MEGF11: variants seen among roughly 807,000 people sequenced by gnomAD.
The protein encoded by MEGF11 is multiple epidermal growth factor-like domains protein 11.
A neutral mutation model predicts 146.6 loss-of-function variants in MEGF11; 126 were observed. The observed-to-expected ratio is 0.86, with a 90% CI of 0.74 to 1.00. The LOEUF is 1.00. Ranked by LOEUF, MEGF11 falls within the 50% of genes least tolerant of loss-of-function variation. The pLI is 0.00. For missense variants in MEGF11, 1,509 were observed against 1,521.2 expected (o/e 0.99, Z 0.13); for synonymous variants, 532 against 583.4 (o/e 0.91, Z 1.27).
intron 1 of MEGF11, among the ~76,000 whole-genome samples, chr15:66,175,918 G>A (rs1360377103): frequency 6.6e-6 from 1 of 152,094 alleles, no homozygotes; most frequent in Non-Finnish European, 1.5e-5. Context: ...AAATATTCAT[G>A]GGACAAGGGA....
At chr15:66,051,672 T>A (rs918297308) in intron 5 of MEGF11, among the ~76,000 whole-genome samples, 13 of 152,154 alleles carry the variant, frequency 8.5e-5, no homozygotes, top group Non-Finnish European at 1.6e-4. Context: ...GGCTGGAGCC[T>A]TGGGGCATGC....
intron 1 of MEGF11, among the ~76,000 whole-genome samples, chr15:66,227,884 A>T (rs556889375): frequency 6.6e-6 from 1 of 152,320 alleles, no homozygotes; most frequent in African/African-American, 2.4e-5. Flanking sequence ...GGGCCCAGCC[A>T]GCCTCTGGGT....
At chr15:66,089,487 C>T (rs1175191203) in intron 5 of MEGF11, among the ~76,000 whole-genome samples, 2 of 152,158 alleles carry the variant, frequency 1.3e-5, no homozygotes, top group Non-Finnish European at 2.9e-5. Flanking sequence ...AGGCTCAGGC[C>T]CAAAACCAAA....
rs79940300 is a variant in MEGF11, at chr15:66,069,790, A to G, written c.394+24612T>C. 8.3e-3 allele frequency among the ~76,000 whole-genome samples: 1,264 copies of G among 152,386 alleles called. 18 individuals carry two copies. The highest frequency in any genetic ancestry group is 0.028 in the African/African-American group (1,168 of 41,586). On this transcript the variant is annotated intron_variant, in intron 5 of 25. Coordinates refer to ENST00000395614, the MANE Select transcript of MEGF11 (RefSeq NM_001385028.1). ...AAGTAGAAATTGGCAAAGTTTTTCTATAAAGGGCCAGATAATAAATATTTT... is the reference window on the plus strand; with the variant it reads ...AAGTAGAAATTGGCAAAGTTTTTCTGTAAAGGGCCAGATAATAAATATTTT...
chr15:65,992,277 T>A (rs1356448296), intron 5 of MEGF11, among the ~76,000 whole-genome samples: 3 of 152,178 alleles, frequency 2.0e-5, no homozygotes, highest in Non-Finnish European at 2.9e-5. Context: ...GGAGCAGTTT[T>A]ATCAGAGCCG....
intron 3 of MEGF11, 37 bp downstream of exon 3, chr15:66,123,862 C>T (rs1032551355): frequency 1.3e-6 from 2 of 1,556,190 alleles, no homozygotes; most frequent in South Asian, 2.2e-5. Context: ...GAGCCCAGTG[C>T]CTTTTCCCTG....
At chr15:65,921,085 A>T (rs1209625091) in intron 15 of MEGF11, among the ~76,000 whole-genome samples, 1 of 152,210 alleles carries the variant, frequency 6.6e-6, no homozygotes, top group African/African-American at 2.4e-5. Flanking sequence ...TCAAAGCATC[A>T]TGTAGTAAAC....
chr15:66,159,957 G>A (rs918794633), intron 1 of MEGF11, among the ~76,000 whole-genome samples: 1 of 152,160 alleles, frequency 6.6e-6, no homozygotes, highest in Admixed American at 6.5e-5. Flanking sequence ...GCAGGAAACA[G>A]CATAAGAGAT....
chr15:65,984,588 C>A (rs1567190059), intron 5 of MEGF11, among the ~76,000 whole-genome samples: 1 of 147,088 alleles, frequency 6.8e-6, no homozygotes, highest in Non-Finnish European at 1.5e-5. Flanking sequence ...ATCCAGCAGT[C>A]CAGCACCTCC....
chr15:66,187,041 T>C (rs753452077), intron 1 of MEGF11, among the ~76,000 whole-genome samples: 2 of 152,248 alleles, frequency 1.3e-5, no homozygotes, highest in Non-Finnish European at 2.9e-5. Context: ...GTGTTAATTA[T>C]GATCTATCTC....
chr15:66,173,300 G>A (rs1168800317), intron 1 of MEGF11, among the ~76,000 whole-genome samples: 3 of 152,142 alleles, frequency 2.0e-5, no homozygotes, highest in Admixed American at 1.3e-4. Flanking sequence ...CTTCATGACA[G>A]AAGGCAATTT....
rs934451382 is a variant in MEGF11, at chr15:66,230,171, G to A, written c.-9+23434C>T. The stretch of plus-strand genomic sequence containing the variant: ...CAAGCTCACAAACTAGCTGGGTAGA[G>A]GGGACTCTCTCCAGTGAAGGAAAGC... On this transcript the variant is annotated intron_variant, in intron 1 of 25. Coordinates refer to ENST00000395614, the MANE Select transcript of MEGF11 (RefSeq NM_001385028.1). 3.5e-4 allele frequency among the ~76,000 whole-genome samples: 54 copies of A among 152,176 alleles called. 2 individuals carry two copies. The highest frequency in any genetic ancestry group is 7.4e-5 in the Non-Finnish European group (5 of 68,020).
At chr15:66,099,840 G>A (rs1336921641) in intron 4 of MEGF11, among the ~76,000 whole-genome samples, 3 of 152,198 alleles carry the variant, frequency 2.0e-5, no homozygotes, top group African/African-American at 4.8e-5. Context: ...AATGGCCTGC[G>A]TTAGGCAGGG....
chr15:66,241,136 C>T (rs1278318762), intron 1 of MEGF11, among the ~76,000 whole-genome samples: 2 of 152,172 alleles, frequency 1.3e-5, no homozygotes, highest in Non-Finnish European at 2.9e-5. Context: ...TCAACTACCT[C>T]TGGGTAAGAA....
rs752392370 is a variant in MEGF11 at position 65,982,328 on chromosome 15, G to A, written c.555C>T (p.Cys185=). The part of the protein sequence containing the change: ...LCAPGTHGKG[C]QLPCQCRHGA... ...CGTGTCGGCACTGGCACGGCAGCTG[G>A]CATCCCTTGCCGTGGGTGCCAGGTG... The change falls in exon 6 of 26, where the codon TGC becomes TGT. Residue 185 remains cysteine (C), a synonymous_variant. Coordinates refer to ENST00000395614, the MANE Select transcript of MEGF11 (RefSeq NM_001385028.1). The surrounding 1 kb of genome is among the most constrained non-coding windows in gnomAD (Gnocchi z 5.6). The A allele has an allele frequency of 2.0e-6, 3 of 1,531,148 alleles. No homozygotes were observed. The highest frequency in any genetic ancestry group is 2.6e-6 in the Non-Finnish European group (3 of 1,140,000). The allele number at this position is 1,531,148 out of a possible 1,614,324, so 94.8% of individuals were successfully genotyped here.
intron 9 of MEGF11, among the ~76,000 whole-genome samples, chr15:65,963,842 T>C (rs1447670691): frequency 6.6e-6 from 1 of 152,202 alleles, no homozygotes; most frequent in African/African-American, 2.4e-5. Context: ...GACATGCCTC[T>C]GCTTGCAGTG....
chr15:65,907,116 G>A (rs2078652374), intron 23 of MEGF11, among the ~76,000 whole-genome samples: 2 of 152,094 alleles, frequency 1.3e-5, no homozygotes, highest in African/African-American at 4.8e-5. Context: ...AATACAGTTT[G>A]ACTCTCCTTG....
chr15:66,145,636 G>A (rs1320758049), intron 1 of MEGF11, among the ~76,000 whole-genome samples: 1 of 152,216 alleles, frequency 6.6e-6, no homozygotes, highest in Non-Finnish European at 1.5e-5. Context: ...ATATGTGCCA[G>A]AAAGGCAAGG....
chr15:65,938,451 C>T (rs1194628893), intron 10 of MEGF11, among the ~76,000 whole-genome samples: 1 of 152,220 alleles, frequency 6.6e-6, no homozygotes. Flanking sequence ...TGGCCCTGAT[C>T]TTGAGGGAGT....
Sources: gnomAD v4.1 joint callset for allele counts (sites outside exome capture counted in the v4.1 genomes callset) on GRCh38, gnomAD v4.1.1 for gene constraint, Gnocchi (gnomAD v3.1) non-coding constraint, MANE v1.5 for transcripts, NCBI Gene and HGNC (gene_info 2026-07-23, HGNC 2026-07-21) for gene names.